Variants in ZXDC observed in about 807,000 individuals in gnomAD.
The protein encoded by ZXDC is ZXD family zinc finger C.
Under a neutral mutation model 63.6 loss-of-function variants are expected in ZXDC, and 58 were observed. The observed-to-expected ratio is 0.91, with a 90% CI of 0.74 to 1.13. The LOEUF (loss-of-function observed/expected upper bound fraction) is 1.13. Ranked by LOEUF, ZXDC falls within the 50% of genes most tolerant of loss-of-function variation. ZXDC has a pLI of 0.00. For missense variants in ZXDC, 1,133 were observed against 1,148.9 expected (o/e 0.99, Z 0.20); for synonymous variants, 561 against 496.1 (o/e 1.13, Z -1.74).
intron 7 of ZXDC, chr3:126,452,103 G>T (rs1269082782): frequency 2.0e-6 from 2 of 985,214 alleles, no homozygotes; most frequent in East Asian, 1.1e-4. Flanking sequence ...CACACGCAAA[G>T]ATGACCAGGT....
Position 126,461,958 on chromosome 3 carries a change from C to T in ZXDC, c.1704G>A (p.Leu568=), listed in dbSNP as rs1258087270. 1 of 1,614,070 alleles carries T rather than the reference C, an allele frequency of 6.2e-7. No homozygotes were observed. The highest frequency in any genetic ancestry group is 1.1e-5 in the South Asian group (1 of 91,070). ...TTGGGGGAATATCACTGTGGGCCACCAGGACCAGGGGTTCCATCGGCCCTA... is the reference window on the plus strand; with the variant it reads ...TTGGGGGAATATCACTGTGGGCCACTAGGACCAGGGGTTCCATCGGCCCTA... ...SSLGPMEPLV[L]VAHSDIPPSL... The change falls in exon 6 of 10, where the codon CTG becomes CTA. Residue 568 remains leucine, a synonymous_variant. Transcript: ENST00000389709.
intron 8 of ZXDC, chr3:126,440,293 C>T (rs1933627835): frequency 7.1e-6 from 7 of 988,782 alleles, no homozygotes; most frequent in African/African-American, 1.7e-5. Context: ...CCATTCACAC[C>T]CCGAAGCGGA....
At chr3:126,469,741 G>T (rs769511844) in intron 4 of ZXDC, among the ~76,000 whole-genome samples, 2 of 152,180 alleles carry the variant, frequency 1.3e-5, no homozygotes, top group African/African-American at 4.8e-5. Flanking sequence ...CCGCGAGGCC[G>T]TTCTCACCCC....
intron 7 of ZXDC, chr3:126,453,268 A>C: frequency 1.0e-6 from 1 of 985,452 alleles, no homozygotes; most frequent in Non-Finnish European, 1.2e-6. Context: ...TGTGGAATTT[A>C]CTTAATGCTT....
chr3:126,471,867 T>C, intron 3 of ZXDC, 106 bp downstream of exon 3: 3 of 1,029,638 alleles, frequency 2.9e-6, no homozygotes, highest in African/African-American at 1.6e-5. Flanking sequence ...GAGCTCCTTT[T>C]TTAACAACTT....
intron 7 of ZXDC, among the ~76,000 whole-genome samples, chr3:126,455,595 G>A (rs116204921): frequency 0.014 from 2,118 of 152,238 alleles, 20 homozygotes; most frequent in South Asian, 0.024. Flanking sequence ...AATGTTGATG[G>A]GGCACAAGAA....
chr3:126,463,395 T>C (rs553253735), intron 5 of ZXDC, among the ~76,000 whole-genome samples: 32 of 152,336 alleles, frequency 2.1e-4, no homozygotes, highest in East Asian at 1.9e-3. Context: ...CAGGCCCTTC[T>C]TCATCTGGAG....
At chr3:126,458,650 T>C in intron 7 of ZXDC, 1 of 985,426 alleles carries the variant, frequency 1.0e-6, no homozygotes, top group Non-Finnish European at 1.2e-6. Context: ...AGGACACGTG[T>C]TATATACTTG....
Position 126,459,731 on chromosome 3 carries a change from C to T in ZXDC, c.2134G>A (p.Gly712Arg). The T allele has an allele frequency of 6.2e-7, 1 of 1,614,176 alleles. No homozygotes were observed. The change falls in exon 7 of 10, where the codon GGG becomes AGG. Residue 712 changes from glycine to arginine, a missense_variant. Gly to Arg is a moderately radical substitution (Grantham distance 125). Transcript: ENST00000389709. ...CGGTAATCAGTTCTTGCTGAGCCCC[C>T]ACTTTCCTGAGACCAAAGAAAAGCA... is the stretch of plus-strand genomic sequence containing the variant. The part of the protein sequence containing the change: ...AGTGNFYLES[G>R]GSARTDYRAI...
chr3:126,466,070 G>T, intron 5 of ZXDC, 85 bp downstream of exon 5: 1 of 1,482,246 alleles, frequency 6.7e-7, no homozygotes, highest in South Asian at 1.3e-5. Flanking sequence ...CCTTCCAAGA[G>T]GTGAAGAAGG....
Position 126,438,222 on chromosome 3 carries a change from A to G in ZXDC, c.*153T>C. On this transcript the variant is annotated 3_prime_UTR_variant, in exon 10 of 10. Coordinates refer to ENST00000389709, the MANE Select transcript of ZXDC (RefSeq NM_025112.5). ...CTCATTCCTGGTAAAACAAAAGGAAAACATTTTTGATAAATGTACCCAAAA... is the reference window on the plus strand; with the variant it reads ...CTCATTCCTGGTAAAACAAAAGGAAGACATTTTTGATAAATGTACCCAAAA... 2 of 686,178 alleles carry G rather than the reference A, an allele frequency of 2.9e-6. No individual in the cohort carries two copies. The highest frequency in any genetic ancestry group is 1.7e-5 in the South Asian group (1 of 60,484). 42.5% of individuals were successfully genotyped at this position (686,178 alleles called of 1,614,324 possible).
At chr3:126,446,167 A>C (rs770351944) in intron 7 of ZXDC, among the ~76,000 whole-genome samples, 1 of 152,354 alleles carries the variant, frequency 6.6e-6, no homozygotes. Flanking sequence ...ATTTTCAATC[A>C]TTATCCAAAA....
intron 7 of ZXDC, 63 bp from the exon 8 acceptor site, chr3:126,442,009 C>A: frequency 6.8e-7 from 1 of 1,474,338 alleles, no homozygotes; most frequent in East Asian, 2.4e-5. Context: ...TCTGCCCTTA[C>A]CAAGGTCTCA....
chr3:126,450,403 A>G (rs767427284), intron 7 of ZXDC: 29 of 456,610 alleles, frequency 6.4e-5, no homozygotes, highest in Non-Finnish European at 1.2e-4. Context: ...CTCCCCTGTT[A>G]GAGGCCACAT....
chr3:126,461,752 A>G lies in ZXDC; in HGVS notation c.1910T>C (p.Ile637Thr). The part of the protein sequence containing the change: ...LTSNSNLAAH[I>T]TTPTSSSTPR... ...GGTGCTCGAAGAGGTCGGTGTGGTG[A>G]TATGTGCTGCTAAGTTACTATTGGA... Residue 637 changes from isoleucine (I) to threonine (T), a missense_variant, in exon 6 of 10, where the codon ATC becomes ACC. Ile to Thr is a moderately conservative substitution (Grantham distance 89). Coordinates refer to ENST00000389709, the MANE Select transcript of ZXDC (RefSeq NM_025112.5). 6.2e-7 allele frequency: 1 copy of G among 1,613,536 alleles called. No individual in the cohort carries two copies. The highest frequency in any genetic ancestry group is 1.3e-5 in the African/African-American group (1 of 74,818).
intron 6 of ZXDC, chr3:126,460,221 A>G (rs1307294694): frequency 5.8e-6 from 5 of 865,718 alleles, no homozygotes; most frequent in South Asian, 5.3e-5. Flanking sequence ...CAAAAATAAT[A>G]ATGATGGTAC....
chr3:126,439,502 A>G, intron 9 of ZXDC, 130 bp downstream of exon 9: 1 of 1,486,496 alleles, frequency 6.7e-7, no homozygotes, highest in East Asian at 2.5e-5. Context: ...ACATCCTGGC[A>G]ACCAACCCAC....
Position 126,450,147 on chromosome 3 carries a change from A to C in ZXDC, c.2213-8201T>G, listed in dbSNP as rs115941983. On this transcript the variant is annotated intron_variant, in intron 7 of 9. Transcript: ENST00000389709. ...ATGTCCAGAGTCTGCAAGGGGTCTG[A>C]GACCCTCACAGGAAGTGTACAACAG... The C allele has an allele frequency of 3.3e-3, 1,173 of 358,958 alleles. 11 individuals are homozygous for C. The highest frequency in any genetic ancestry group is 0.023 in the African/African-American group (1,084 of 46,878). The allele number at this position is 358,958 out of a possible 1,614,324, so 22.2% of individuals were successfully genotyped here.
At chr3:126,452,340 G>T in intron 7 of ZXDC, 1 of 985,424 alleles carries the variant, frequency 1.0e-6, no homozygotes, top group Non-Finnish European at 1.2e-6. Context: ...AATGCTGTGG[G>T]AAGAGTGAGA....
Sources: gnomAD v4.1 joint callset for allele counts (sites outside exome capture counted in the v4.1 genomes callset) on GRCh38, gnomAD v4.1.1 for gene constraint, MANE v1.5 for transcripts, NCBI Gene and HGNC (gene_info 2026-07-23, HGNC 2026-07-21) for gene names.